The following PEAK1 variants were observed in gnomAD, a reference collection of about 807,000 sequenced individuals.
The protein encoded by PEAK1 is inactive tyrosine-protein kinase PEAK1.
Under a neutral mutation model 124.7 loss-of-function variants are expected in PEAK1, and 54 were observed. The observed-to-expected ratio is 0.43, with a 90% confidence interval of 0.35 to 0.54. PEAK1 has a LOEUF of 0.54. PEAK1 is among the 20% of genes least tolerant of loss of function. PEAK1 has a pLI of 0.01. For missense variants in PEAK1, 2,046 were observed against 2,134.5 expected (o/e 0.96, Z 0.82); for synonymous variants, 719 against 760.0 (o/e 0.95, Z 0.89).
chr15:77,154,530 G>C (rs923033580), intron 8 of PEAK1, among the ~76,000 whole-genome samples: 1 of 152,200 alleles, frequency 6.6e-6, no homozygotes, highest in African/African-American at 2.4e-5. Flanking sequence ...CTGTCATTAT[G>C]ATGTTAGCTG....
In PEAK1 at chr15:77,419,584, G is replaced by A. The variant is rs2073195585; in HGVS notation, c.-666+422C>T. On this transcript the variant is annotated intron_variant, in intron 1 of 9. Transcript: ENST00000682557. ...GGCTGACCGTGTGGACCCGGCAGGA[G>A]CCAGAGAAGCCCCTCCTGCCCCGGC... The A allele has an allele frequency of 8.1e-6, 8 of 985,074 alleles. No individual in the cohort carries two copies. The South Asian group carries it at 3.3e-4, about 40-fold the overall frequency. 61.0% of individuals were successfully genotyped at this position (985,074 alleles called of 1,614,324 possible).
chr15:77,337,922 A>C, intron 2 of PEAK1: 1 of 984,746 alleles, frequency 1.0e-6, no homozygotes, highest in Non-Finnish European at 1.2e-6. Context: ...TCTGTCAATA[A>C]TTTGGGGGTG....
intron 6 of PEAK1, among the ~76,000 whole-genome samples, chr15:77,196,476 A>G (rs190672064): frequency 6.6e-6 from 1 of 152,314 alleles, no homozygotes; most frequent in Non-Finnish European, 1.5e-5. Flanking sequence ...AATAGTAGGA[A>G]ATTCCCCAAA....
At chr15:77,300,437 T>C (rs2063726667) in intron 2 of PEAK1, among the ~76,000 whole-genome samples, 1 of 152,194 alleles carries the variant, frequency 6.6e-6, no homozygotes, top group African/African-American at 2.4e-5. Flanking sequence ...AGGAAAGGTA[T>C]CTATTCCTTT....
chr15:77,307,708 T>A (rs533525351), intron 2 of PEAK1, among the ~76,000 whole-genome samples: 1 of 152,134 alleles, frequency 6.6e-6, no homozygotes, highest in Non-Finnish European at 1.5e-5. Flanking sequence ...ATAGAGTAAA[T>A]TGGATTATGC....
intron 8 of PEAK1, among the ~76,000 whole-genome samples, chr15:77,147,932 T>A (rs2054289901): frequency 6.6e-6 from 1 of 152,252 alleles, no homozygotes; most frequent in Non-Finnish European, 1.5e-5. Context: ...ATGCGGCTAC[T>A]AGGCATTTGA....
At chr15:77,118,789 G>C (rs1045042998) in intron 9 of PEAK1, among the ~76,000 whole-genome samples, 18 of 152,152 alleles carry the variant, frequency 1.2e-4, no homozygotes, top group Non-Finnish European at 2.4e-4. Flanking sequence ...AAATAAACTA[G>C]AACTGGAATG....
At chr15:77,162,227 C>T (rs1405685787) in intron 7 of PEAK1, among the ~76,000 whole-genome samples, 1 of 151,952 alleles carries the variant, frequency 6.6e-6, no homozygotes, top group Non-Finnish European at 1.5e-5. Flanking sequence ...GGTGCGGTGG[C>T]TCAAGCCTGT....
chr15:77,224,234 A>C (rs1484740714), intron 6 of PEAK1, among the ~76,000 whole-genome samples: 1 of 151,968 alleles, frequency 6.6e-6, no homozygotes, highest in African/African-American at 2.4e-5. Context: ...CTACTTTATA[A>C]CCTTGTAAAC....
chr15:77,254,185 C>T (rs1027874387), intron 5 of PEAK1, among the ~76,000 whole-genome samples: 1 of 151,990 alleles, frequency 6.6e-6, no homozygotes, highest in Non-Finnish European at 1.5e-5. Context: ...ATTTATTCTA[C>T]TTGGAGTTTA....
intron 1 of PEAK1, among the ~76,000 whole-genome samples, chr15:77,411,408 GAAGT>G: frequency 6.6e-6 from 1 of 152,298 alleles, no homozygotes. Flanking sequence ...TAATGGAAAG[GAAGT>G]AAGAACAGAA....
chr15:77,341,984 T>G (rs569634863), intron 2 of PEAK1, among the ~76,000 whole-genome samples: 49 of 152,146 alleles, frequency 3.2e-4, no homozygotes, highest in African/African-American at 1.2e-3. Context: ...TAAATAAAAT[T>G]TAAGAAATAA....
intron 7 of PEAK1, among the ~76,000 whole-genome samples, chr15:77,164,390 G>A (rs1379073475): frequency 2.0e-5 from 3 of 152,198 alleles, no homozygotes; most frequent in African/African-American, 7.2e-5. Context: ...TTACTGGTGT[G>A]AATGAAGTAG....
rs527426421 is a variant in PEAK1 at position 77,302,449 on chromosome 15, GT to G, written c.-602-15946del. Reference sequence around the variant, plus strand: ...AACCAACACTACAACAGTGAAAAACGTGGCTTCTAACAACTGCCACCCATTT... The same window carrying G: ...AACCAACACTACAACAGTGAAAAACGGGCTTCTAACAACTGCCACCCATTT... On this transcript the variant is annotated intron_variant, in intron 2 of 9. Transcript: ENST00000682557. Among the ~76,000 whole-genome samples, 188 of 152,154 alleles carry G rather than the reference GT, an allele frequency of 1.2e-3. 2 individuals are homozygous for G. Among genetic ancestry groups the G allele is most frequent in the Non-Finnish European group, 1.3e-3 (86 of 67,994 alleles).
chr15:77,328,630 C>G (rs951700151), intron 2 of PEAK1, among the ~76,000 whole-genome samples: 1 of 152,160 alleles, frequency 6.6e-6, no homozygotes, highest in African/African-American at 2.4e-5. Flanking sequence ...AACTGAGGCT[C>G]TCACAGCTAT....
rs550122422 is a variant in PEAK1, at chr15:77,311,631, C to G, written c.-602-25127G>C. Among the ~76,000 whole-genome samples the G allele has an allele frequency of 1.6e-4, 24 of 147,212 alleles. No individual in the cohort carries two copies. In the South Asian group the frequency reaches 2.6e-3, roughly 16 times the overall value. ...GAGGTTGCAGCAAGCCAAGATTGCA[C>G]CACTGCACTCTAGCCTGGGAAACAC... On this transcript the variant is annotated intron_variant, in intron 2 of 9. Coordinates refer to ENST00000682557, the MANE Select transcript of PEAK1 (RefSeq NM_001385026.1).
At position 77,279,438 on chromosome 15, in the gene PEAK1, C is replaced by G. The variant is rs770694199; in HGVS notation, c.-275+4445G>C. Among the ~76,000 whole-genome samples the G allele has an allele frequency of 2.6e-5, 4 of 152,140 alleles. 1 individual carries two copies. The highest frequency in any genetic ancestry group is 4.4e-5 in the Non-Finnish European group (3 of 68,026). On this transcript the variant is annotated intron_variant, in intron 5 of 9. Transcript: ENST00000682557. ...AACCCAGACATCTGCTGGGATCTGA[C>G]CCCCAATAATTGGTTACCAGTGTGT... is the stretch of plus-strand genomic sequence containing the variant.
intron 2 of PEAK1, among the ~76,000 whole-genome samples, chr15:77,344,275 T>C (rs557440400): frequency 2.0e-5 from 3 of 152,280 alleles, no homozygotes; most frequent in East Asian, 3.9e-4. Context: ...TTTGTATTTT[T>C]AGTAGAGACG....
chr15:77,120,702 C>A (rs1268966492), intron 9 of PEAK1, among the ~76,000 whole-genome samples: 1 of 152,238 alleles, frequency 6.6e-6, no homozygotes, highest in South Asian at 2.1e-4. Flanking sequence ...CATTAAAAAA[C>A]AACAGCTGGT....
Sources: allele counts gnomAD v4.1 joint callset (sites outside exome capture counted in the v4.1 genomes callset), GRCh38; gene constraint gnomAD v4.1.1; transcripts MANE v1.5; gene names NCBI Gene and HGNC (gene_info 2026-07-23, HGNC 2026-07-21).